The following ASPM variants were observed in gnomAD, a reference collection of about 807,000 sequenced individuals.
ASPM encodes the protein assembly factor for spindle microtubules, also known as abnormal spindle-like microcephaly-associated protein.
In ASPM, 256 loss-of-function variants were observed where a neutral mutation model predicts 366.4. The ratio of observed to expected loss-of-function variants is 0.70; its 90% CI spans 0.63 to 0.77. ASPM has a LOEUF of 0.77. Among genes scored for constraint, ASPM ranks in the 30% least tolerant of loss-of-function variants. The pLI is 0.00. For missense variants in ASPM, 4,146 were observed against 4,090.4 expected, an observed-to-expected ratio of 1.01 and a Z score of -0.37; for synonymous variants, 1,414 against 1,342.9, an observed-to-expected ratio of 1.05 and a Z score of -1.16.
chr1:197,107,706 A>T (rs944563342), intron 17 of ASPM, among the ~76,000 whole-genome samples: 1 of 152,168 alleles, frequency 6.6e-6, no homozygotes, highest in Non-Finnish European at 1.5e-5. Flanking sequence ...GTCTCAGTAA[A>T]GACATCAAAG....
Position 197,104,071 on chromosome 1 carries a change from T to C in ASPM, c.5180A>G (p.Gln1727Arg). 6.2e-7 allele frequency: 1 copy of C among 1,613,072 alleles called. No homozygotes were observed. ...IAAQKREEYM[Q>R]MRESCIKLQA... ...CAGTTTGATACAAGATTCCCGCATC[T>C]GCATATACTCTTCTCTCTTTTGTGC... Residue 1727 changes from glutamine to arginine, a missense_variant, in exon 18 of 28, where the codon CAG becomes CGG. Physicochemically the swap from Gln to Arg is conservative, Grantham distance 43. Coordinates refer to ENST00000367409, the MANE Select transcript of ASPM (RefSeq NM_018136.5).
At position 197,102,713 on chromosome 1, in the gene ASPM, C is replaced by T. The variant is rs746646120; in HGVS notation, c.6538G>A (p.Val2180Ile). 6 of 1,612,684 alleles carry T rather than the reference C, an allele frequency of 3.7e-6. No homozygotes were observed. Among genetic ancestry groups the T allele is most frequent in the East Asian group, 2.2e-5 (1 of 44,810 alleles). Reference sequence around the variant, plus strand: ...TTTCTAAGAGTCCGTCTAACTCTTACTCCTCTAAAACTTGCCTGAAGGACT... The same window carrying T: ...TTTCTAAGAGTCCGTCTAACTCTTATTCCTCTAAAACTTGCCTGAAGGACT... ...VKVLQASFRG[V>I]RVRRTLRKMQ... Residue 2180 changes from valine (V) to isoleucine (I), a missense_variant, in exon 18 of 28, where the codon GTA becomes ATA. By Grantham distance (29) the Val-to-Ile change is conservative. Coordinates refer to ENST00000367409, the MANE Select transcript of ASPM (RefSeq NM_018136.5).
At chr1:197,134,607 G>T (rs1481475284) in intron 5 of ASPM, among the ~76,000 whole-genome samples, 1 of 152,160 alleles carries the variant, frequency 6.6e-6, no homozygotes, top group African/African-American at 2.4e-5. Flanking sequence ...AGCAAGAGCT[G>T]CACAAAAGTT....
At chr1:197,097,276 T>C (rs762451315) in intron 18 of ASPM, among the ~76,000 whole-genome samples, 6 of 151,746 alleles carry the variant, frequency 4.0e-5, no homozygotes, top group Non-Finnish European at 5.9e-5. Context: ...GTAATGCATC[T>C]CTTACTTGAA....
rs528138289 is a variant in ASPM at position 197,094,084 on chromosome 1, T to C, written c.9084A>G (p.Lys3028=). ...AAGTGAATTAATTTTTAATACCTAC[T>C]TTTATCATTAAGAAGTGTTCATGAG... ...KIAHEHFLMI[K]RHRAACLIQA... The change falls in exon 20 of 28, where the codon AAA becomes AAG. Residue 3028 remains lysine (K), a splice_region_variant and synonymous_variant. Coordinates refer to ENST00000367409, the MANE Select transcript of ASPM (RefSeq NM_018136.5). The C allele has an allele frequency of 1.9e-6, 3 of 1,550,244 alleles. No homozygotes were observed. The highest frequency in any genetic ancestry group is 2.7e-6 in the Non-Finnish European group (3 of 1,130,978).
chr1:197,095,745 G>T (rs191737025), intron 19 of ASPM, among the ~76,000 whole-genome samples: 121 of 137,782 alleles, frequency 8.8e-4, no homozygotes, highest in Non-Finnish European at 7.2e-4. Flanking sequence ...TAATCCTTAT[G>T]AACCTGAATT....
rs149864217 is a variant in ASPM, at chr1:197,087,045, C to A, written c.10162-73G>T. 1,594 of 1,339,158 alleles carry A rather than the reference C, an allele frequency of 1.2e-3. 19 individuals are homozygous for A. In the African/African-American group the frequency reaches 0.021, roughly 18 times the overall value. 83.0% of individuals were successfully genotyped at this position (1,339,158 alleles called of 1,614,324 possible). Reference sequence around the variant, plus strand: ...TTTATCTCTTTTAGACTAGCAAAATCAAATATAATAAAAACTATGCAGTAA... The same window carrying A: ...TTTATCTCTTTTAGACTAGCAAAATAAAATATAATAAAAACTATGCAGTAA... On this transcript the variant is annotated intron_variant, in intron 26 of 27. Coordinates refer to ENST00000367409, the MANE Select transcript of ASPM (RefSeq NM_018136.5).
chr1:197,129,457 T>C, intron 8 of ASPM, 140 bp from the exon 9 acceptor site: 2 of 854,834 alleles, frequency 2.3e-6, no homozygotes, highest in Non-Finnish European at 3.6e-6. Context: ...CTATGTGCCT[T>C]TTTTAGTGCT....
Position 197,090,045 on chromosome 1 carries a change from A to C in ASPM, c.9869T>G (p.Met3290Arg), listed in dbSNP as rs1180322995. 6.2e-7 allele frequency: 1 copy of C among 1,613,574 alleles called. No homozygotes were observed. Among genetic ancestry groups the C allele is most frequent in the Non-Finnish European group, 8.5e-7 (1 of 1,179,652 alleles). Residue 3290 changes from methionine (M) to arginine (R), a missense_variant, in exon 25 of 28, where the codon ATG (methionine) becomes AGG (arginine). Transcript: ENST00000367409. ...TTTAGAAATTGCTCCACTCTGGGCC[A>C]TGTTCTCACAACAAAGTGGAGACAA... ...TRLSPLCCENMAQSGAISKIF... is the reference protein window; with the variant it reads ...TRLSPLCCENRAQSGAISKIF...
rs749094291 is a variant in ASPM at position 197,142,896 on chromosome 1, T to C, written c.1356A>G (p.Glu452=). ...AATTTGACTTCATTTCTACTAGTTC[T>C]TCAAAAATAGCTTTGGGAGATTTTG... ...QGSKSPKAIF[E]ELVEMKSNYY... is the part of the protein sequence containing the mutation. The change falls in exon 3 of 28, where the codon GAA becomes GAG. Residue 452 remains glutamate, a synonymous_variant. Coordinates refer to ENST00000367409, the MANE Select transcript of ASPM (RefSeq NM_018136.5). 3 of 1,613,844 alleles carry C rather than the reference T, an allele frequency of 1.9e-6. No individual in the cohort carries two copies. The highest frequency in any genetic ancestry group is 2.5e-6 in the Non-Finnish European group (3 of 1,179,748).
intron 1 of ASPM, among the ~76,000 whole-genome samples, chr1:197,145,724 T>C (rs1027061737): frequency 6.6e-6 from 1 of 152,072 alleles, no homozygotes; most frequent in Non-Finnish European, 1.5e-5. Flanking sequence ...TTAAGTCTAG[T>C]AAAAGTGCTT....
At chr1:197,086,711 C>A (rs1356757365) in intron 27 of ASPM, 92 bp downstream of exon 27, 2 of 1,105,360 alleles carry the variant, frequency 1.8e-6, no homozygotes, top group East Asian at 4.8e-5. Flanking sequence ...CACTGAAAAG[C>A]ACATCTTGTT....
At chr1:197,132,418 T>G in intron 6 of ASPM, 66 bp from the exon 7 acceptor site, 1 of 1,379,352 alleles carries the variant, frequency 7.2e-7, no homozygotes, top group Non-Finnish European at 1.0e-6. Flanking sequence ...AAATAAAACT[T>G]CAAGGAGAGT....
chr1:197,127,515 T>C (rs767885130), intron 10 of ASPM, among the ~76,000 whole-genome samples: 49 of 152,196 alleles, frequency 3.2e-4, no homozygotes, highest in Non-Finnish European at 6.3e-4. Context: ...CAAAAGTGCT[T>C]CCTTGATAAG....
chr1:197,115,956 G>A (rs1260791070), intron 17 of ASPM, among the ~76,000 whole-genome samples: 2 of 152,138 alleles, frequency 1.3e-5, no homozygotes, highest in African/African-American at 2.4e-5. Context: ...ACTCTCCTTT[G>A]AATCTTTGAA....
rs768999000 is a variant in ASPM, at chr1:197,104,065, C to T, written c.5186G>A (p.Arg1729Gln). 135 of 1,612,772 alleles carry T rather than the reference C, an allele frequency of 8.4e-5. 3 individuals are homozygous for T. The highest frequency in any genetic ancestry group is 6.6e-4 in the Middle Eastern group (4 of 6,080). ...TGCTTGCAGTTTGATACAAGATTCCCGCATCTGCATATACTCTTCTCTCTT... is the reference window on the plus strand; with the variant it reads ...TGCTTGCAGTTTGATACAAGATTCCTGCATCTGCATATACTCTTCTCTCTT... Reference protein sequence around the residue: ...AQKREEYMQMRESCIKLQAFV... With the variant: ...AQKREEYMQMQESCIKLQAFV... Residue 1729 changes from arginine to glutamine, a missense_variant, in exon 18 of 28, where the codon CGG becomes CAG. Around this residue, in one of 3 missense-constraint regions of ASPM, gnomAD observed 3,624 missense variants for 3,591.7 expected, o/e 1.01. Transcript: ENST00000367409.
intron 16 of ASPM, among the ~76,000 whole-genome samples, chr1:197,118,746 G>C (rs766672361): frequency 6.6e-6 from 1 of 152,130 alleles, no homozygotes; most frequent in Non-Finnish European, 1.5e-5. Flanking sequence ...CTAGAAAACT[G>C]AGGCAATGAG....
rs536749778 is a variant in ASPM, at chr1:197,137,750, G to A, written c.2026+2017C>T. On this transcript the variant is annotated intron_variant, in intron 4 of 27. Transcript: ENST00000367409. ...CCCACTTTGGCCTCCCAAAGTGCTG[G>A]GACCACAGGTGTAAGCCACTGCACC... 2.3e-4 allele frequency among the ~76,000 whole-genome samples: 35 copies of A among 152,236 alleles called. 1 individual carries two copies. The highest frequency in any genetic ancestry group is 8.4e-4 in the African/African-American group (35 of 41,534).
At position 197,101,962 on chromosome 1, in the gene ASPM, A is replaced by G; in HGVS notation, c.7289T>C (p.Leu2430Pro). Residue 2430 changes from leucine to proline, a missense_variant, in exon 18 of 28, where the codon CTC (leucine) becomes CCC (proline). Transcript: ENST00000367409. ...CTGAACAAAAATAGTAGCTTTTTTG[A>G]GGGAAATGAATCTTCTCCTCACCAG... ...SLLVRRRFIS[L>P]KKATIFVQRK... is the part of the protein sequence containing the mutation. The G allele has an allele frequency of 6.2e-7, 1 of 1,612,734 alleles. No individual in the cohort carries two copies. Among genetic ancestry groups the G allele is most frequent in the Non-Finnish European group, 8.5e-7 (1 of 1,179,262 alleles).
Sources: gnomAD v4.1 joint callset for allele counts (sites outside exome capture counted in the v4.1 genomes callset) on GRCh38, gnomAD v4.1.1 for gene constraint, gnomAD v4.1.1 regional missense constraint, MANE v1.5 for transcripts, NCBI Gene and HGNC (gene_info 2026-07-23, HGNC 2026-07-21) for gene names.